HDAC9: variants seen among roughly 807,000 people sequenced by gnomAD.
HDAC9 encodes MEF-2 interacting transcription repressor (MITR) protein.
Under a neutral mutation model 139.4 loss-of-function variants are expected in HDAC9, and 41 were observed. That is an observed-to-expected ratio of 0.29 (90% CI 0.23 to 0.38). The LOEUF is 0.38. Ranked by LOEUF, HDAC9 falls within the 10% of genes least tolerant of loss-of-function variation. The pLI is 1.00. For synonymous variants in HDAC9, 517 were observed against 476.2 expected (o/e 1.09, Z -1.12); for missense variants, 1,147 against 1,297.0 (o/e 0.88, Z 1.78).
intron 1 of HDAC9, among the ~76,000 whole-genome samples, chr7:18,477,683 A>C (rs1719517941): frequency 6.6e-6 from 1 of 152,298 alleles, no homozygotes; most frequent in South Asian, 2.1e-4. Flanking sequence ...AAATTACATA[A>C]GAGTTCCAGA....
chr7:18,445,664 G>T (rs1490626285), intron 1 of HDAC9, among the ~76,000 whole-genome samples: 1 of 152,128 alleles, frequency 6.6e-6, no homozygotes, highest in Non-Finnish European at 1.5e-5. Context: ...TTATAACCAG[G>T]CCTATCTATT....
intron 1 of HDAC9, among the ~76,000 whole-genome samples, chr7:18,293,591 G>A (rs778193202): frequency 6.6e-6 from 1 of 151,938 alleles, no homozygotes; most frequent in African/African-American, 2.4e-5. Context: ...CATCATCTTG[G>A]TTTTTTTCTT....
At chr7:18,222,392 G>A (rs988552364) in intron 2 of HDAC9, among the ~76,000 whole-genome samples, 2 of 152,232 alleles carry the variant, frequency 1.3e-5, no homozygotes, top group African/African-American at 4.8e-5. Flanking sequence ...AAAAGGGCAG[G>A]TAGCTGTTAG....
At chr7:18,466,499 GC>G (rs575903669) in intron 1 of HDAC9, among the ~76,000 whole-genome samples, 146 of 152,218 alleles carry the variant, frequency 9.6e-4, no homozygotes, top group African/African-American at 3.4e-3. Context: ...CCTGGCCACA[GC>G]CCTTTTTCTT....
At chr7:18,245,137 A>G (rs896459904) in intron 2 of HDAC9, among the ~76,000 whole-genome samples, 3 of 152,082 alleles carry the variant, frequency 2.0e-5, no homozygotes, top group South Asian at 2.1e-4. Flanking sequence ...TGTGGGGCCA[A>G]TTTGATTTGG....
chr7:18,757,737 G>A (rs1158654272), intron 14 of HDAC9, among the ~76,000 whole-genome samples: 1 of 152,060 alleles, frequency 6.6e-6, no homozygotes, highest in Non-Finnish European at 1.5e-5. Flanking sequence ...TCGTGTGTGT[G>A]CTCTGTGTGT....
chr7:18,477,850 C>A (rs949431177), intron 1 of HDAC9, among the ~76,000 whole-genome samples: 1 of 152,036 alleles, frequency 6.6e-6, no homozygotes, highest in African/African-American at 2.4e-5. Flanking sequence ...GCCCTTTCTG[C>A]CAATGGTGTA....
At chr7:18,637,740 C>T (rs777347367) in intron 8 of HDAC9, among the ~76,000 whole-genome samples, 1 of 151,860 alleles carries the variant, frequency 6.6e-6, no homozygotes, top group Non-Finnish European at 1.5e-5. Flanking sequence ...CTCTGTGGCC[C>T]AGAACAAAAA....
chr7:18,323,249 A>G (rs1208365040), intron 1 of HDAC9, among the ~76,000 whole-genome samples: 1 of 152,128 alleles, frequency 6.6e-6, no homozygotes, highest in Non-Finnish European at 1.5e-5. Context: ...TAGGGAAAAT[A>G]TATCTAGACC....
chr7:18,372,600 A>C (rs1784677010), intron 1 of HDAC9, among the ~76,000 whole-genome samples: 1 of 152,210 alleles, frequency 6.6e-6, no homozygotes, highest in Non-Finnish European at 1.5e-5. Context: ...TAGAAGAGTA[A>C]GAGGGGCAGA....
intron 2 of HDAC9, among the ~76,000 whole-genome samples, chr7:18,564,806 C>G (rs927602930): frequency 6.6e-6 from 1 of 151,940 alleles, no homozygotes; most frequent in African/African-American, 2.4e-5. Flanking sequence ...TAAGATGAAG[C>G]AATGTCTTTA....
At chr7:18,456,443 C>T (rs1267852362) in intron 1 of HDAC9, among the ~76,000 whole-genome samples, 2 of 152,074 alleles carry the variant, frequency 1.3e-5, no homozygotes. Context: ...ACCATGCTGG[C>T]CAGGCTGATC....
intron 16 of HDAC9, among the ~76,000 whole-genome samples, chr7:18,792,260 T>TA (rs1229344218): frequency 6.0e-5 from 9 of 149,614 alleles, no homozygotes; most frequent in African/African-American, 2.0e-4. Context: ...TAATTCTCTT[T>TA]TTTTTTTAAA....
At chr7:18,802,951 G>A (rs1407889968) in intron 17 of HDAC9, among the ~76,000 whole-genome samples, 1 of 151,592 alleles carries the variant, frequency 6.6e-6, no homozygotes, top group African/African-American at 2.4e-5. Context: ...TATTTTAATT[G>A]GGGAGTTCAA....
intron 2 of HDAC9, among the ~76,000 whole-genome samples, chr7:18,528,638 C>T (rs1807748634): frequency 6.6e-6 from 1 of 151,996 alleles, no homozygotes; most frequent in South Asian, 2.1e-4. Flanking sequence ...TCTAGGAAAT[C>T]ATTTCTAAAA....
intron 2 of HDAC9, among the ~76,000 whole-genome samples, chr7:18,581,642 A>C (rs187235302): frequency 1.3e-5 from 2 of 152,326 alleles, no homozygotes; most frequent in East Asian, 3.9e-4. Flanking sequence ...ATTTCCATGT[A>C]AAAGCTGAAG....
chr7:18,809,810 G>A (rs1164415551), intron 17 of HDAC9, among the ~76,000 whole-genome samples: 3 of 151,814 alleles, frequency 2.0e-5, no homozygotes, highest in Admixed American at 1.3e-4. Context: ...AAACAGTATG[G>A]AATTTCCACA....
chr7:18,594,648 A>G (rs1348633379), intron 6 of HDAC9, among the ~76,000 whole-genome samples: 1 of 152,032 alleles, frequency 6.6e-6, no homozygotes, highest in Non-Finnish European at 1.5e-5. Context: ...TGTGGCTCTA[A>G]GGATTGTATT....
At chr7:18,283,023 G>A (rs1374623072) in intron 2 of HDAC9, among the ~76,000 whole-genome samples, 2 of 148,644 alleles carry the variant, frequency 1.3e-5, no homozygotes, top group African/African-American at 5.0e-5. Context: ...CCAGCAAGGG[G>A]AGATATTTCA....
Sources: gnomAD v4.1 joint callset for allele counts (sites outside exome capture counted in the v4.1 genomes callset) on GRCh38, gnomAD v4.1.1 for gene constraint, MANE v1.5 for transcripts, NCBI Gene and HGNC (gene_info 2026-07-23, HGNC 2026-07-21) for gene names.